The following TPCN2 variants were observed in gnomAD, a reference collection of about 807,000 sequenced individuals.
The protein encoded by TPCN2 is two pore segment channel 2.
TPCN2 carries 92 observed loss-of-function variants against 111.4 expected under a neutral mutation model. That is an observed-to-expected ratio of 0.83 (90% confidence interval 0.70 to 0.98). TPCN2 has a LOEUF of 0.98. TPCN2 is among the 50% of genes least tolerant of loss of function. TPCN2 has a pLI of 0.00. For synonymous variants in TPCN2, 405 were observed against 414.5 expected (o/e 0.98, Z 0.28); for missense variants, 995 against 980.1 (o/e 1.02, Z -0.20).
intron 7 of TPCN2, among the ~76,000 whole-genome samples, chr11:69,065,542 A>T (rs1565085123): frequency 6.6e-6 from 1 of 152,136 alleles, no homozygotes; most frequent in Non-Finnish European, 1.5e-5. Flanking sequence ...GCAGGACTTG[A>T]GAGGAGCGTG....
At chr11:69,077,241 CCCTCCTGCCACGTCCCT>C in intron 13 of TPCN2, among the ~76,000 whole-genome samples, 1 of 99,460 alleles carries the variant, frequency 1.0e-5, no homozygotes, top group Non-Finnish European at 2.3e-5. Flanking sequence ...CCTCCACCTG[CCCTCCTGCCACGTCCCT>C]CCACCTGCCC....
chr11:69,071,278 A>T (rs1048646915), intron 9 of TPCN2, 78 bp from the exon 10 acceptor site: 5 of 1,172,546 alleles, frequency 4.3e-6, no homozygotes, highest in East Asian at 2.4e-5. Flanking sequence ...GCGCTGTGCT[A>T]TCCTGTGCCG....
Position 69,048,981 on chromosome 11 carries a change from A to T in TPCN2, c.-17A>T, listed in dbSNP as rs879527609. 17 of 1,234,592 alleles carry T rather than the reference A, an allele frequency of 1.4e-5. No homozygotes were observed. Among genetic ancestry groups the T allele is most frequent in the Non-Finnish European group, 1.7e-5 (17 of 985,850 alleles). The allele number at this position is 1,234,592 out of a possible 1,614,324, so 76.5% of individuals were successfully genotyped here. A position where few individuals can be genotyped will look rare whatever the true frequency, so the allele number is the denominator to read the frequency against. The stretch of plus-strand genomic sequence containing the variant: ...GCTTGAGCTTCTGAGGGTCGGGTCC[A>T]GCGCGTGGGCTGCTGGATGGCGGAA... On this transcript the variant is annotated 5_prime_UTR_variant, in exon 1 of 25. Coordinates refer to ENST00000294309, the MANE Select transcript of TPCN2 (RefSeq NM_139075.4).
At chr11:69,075,671 G>A (rs1855720653) in intron 13 of TPCN2, among the ~76,000 whole-genome samples, 1 of 152,226 alleles carries the variant, frequency 6.6e-6, no homozygotes, top group Admixed American at 6.5e-5. Context: ...CGTCATGGGA[G>A]CTCCAGCCTT....
At chr11:69,064,051 C>A in intron 7 of TPCN2, 84 bp downstream of exon 7, 1 of 1,344,264 alleles carries the variant, frequency 7.4e-7, no homozygotes, top group South Asian at 1.2e-5. Flanking sequence ...GTCTGCTGCC[C>A]TGGCCTAACC....
rs182648076 is a variant in TPCN2 at position 69,055,965 on chromosome 11, C to G, written c.429+613C>G. ...CACAGCAGCTGCTGCATGTTTGACT[C>G]TGGGTTCTGCCTGTGACGCACGTCC... On this transcript the variant is annotated intron_variant, in intron 4 of 24. Transcript: ENST00000294309. Among the ~76,000 whole-genome samples, 18 of 152,346 alleles carry G rather than the reference C, an allele frequency of 1.2e-4. No homozygotes were observed. The East Asian group carries it at 3.5e-3, about 29-fold the overall frequency.
At chr11:69,064,026 G>A in intron 7 of TPCN2, 59 bp downstream of exon 7, 11 of 1,544,956 alleles carry the variant, frequency 7.1e-6, no homozygotes, top group Non-Finnish European at 9.8e-6. Flanking sequence ...GACTAACAGA[G>A]GGGGCTGGGC....
At chr11:69,078,439 G>A (rs1176400282) in intron 13 of TPCN2, 43 bp from the exon 14 acceptor site, 5 of 1,606,760 alleles carry the variant, frequency 3.1e-6, no homozygotes, top group African/African-American at 2.7e-5. Flanking sequence ...CAACAGCCAC[G>A]GCTGCTGGCC....
chr11:69,054,582 T>A lies in TPCN2; in HGVS notation c.175-139T>A. On this transcript the variant is annotated intron_variant, in intron 2 of 24. Coordinates refer to ENST00000294309, the MANE Select transcript of TPCN2 (RefSeq NM_139075.4). ...TGGTGTGGGCCTGATGGGTCAGGGC[T>A]GGCCATGTCCACACGCTGAAGCGTC... 3.9e-6 allele frequency: 3 copies of A among 770,038 alleles called. No individual in the cohort carries two copies. In the South Asian group the frequency reaches 4.9e-5, roughly 13 times the overall value. The allele number at this position is 770,038 out of a possible 1,614,324, so 47.7% of individuals were successfully genotyped here.
In TPCN2 at chr11:69,078,822, G is replaced by A. The variant is rs199625893; in HGVS notation, c.1410+29G>A. Reference sequence around the variant, plus strand: ...AGTTCTGAGCTGTCCACCTGTCAGGGCCAGGGTGAGGCTGGGCAGTGCTGG... The same window carrying A: ...AGTTCTGAGCTGTCCACCTGTCAGGACCAGGGTGAGGCTGGGCAGTGCTGG... On this transcript the variant is annotated intron_variant, in intron 15 of 24. Coordinates refer to ENST00000294309, the MANE Select transcript of TPCN2 (RefSeq NM_139075.4). 5.1e-4 allele frequency: 830 copies of A among 1,613,988 alleles called. 1 individual carries two copies. Among genetic ancestry groups the A allele is most frequent in the Non-Finnish European group, 6.5e-4 (769 of 1,180,044 alleles).
intron 18 of TPCN2, 136 bp from the exon 19 acceptor site, chr11:69,083,809 A>G (rs1856149177): frequency 1.4e-6 from 1 of 736,070 alleles, no homozygotes; most frequent in Non-Finnish European, 2.4e-6. Context: ...CTGTGGGTCC[A>G]GGTGTGTGTG....
Position 69,072,998 on chromosome 11 carries a change from A to G in TPCN2, c.1227A>G (p.Lys409=), listed in dbSNP as rs1425450489. 6.2e-7 allele frequency: 1 copy of G among 1,613,494 alleles called. No individual in the cohort carries two copies. Among genetic ancestry groups the G allele is most frequent in the Non-Finnish European group, 8.5e-7 (1 of 1,179,628 alleles). Reference sequence around the variant, plus strand: ...ACGAGCTTGACAGAAGTGTGGTTAAAGAGGTAACTGGGGCCACAGCCGCCC... The same window carrying G: ...ACGAGCTTGACAGAAGTGTGGTTAAGGAGGTAACTGGGGCCACAGCCGCCC... ...LFNELDRSVV[K]EHPPRPEYQS... is the part of the protein sequence containing the mutation. The change falls in exon 13 of 25, where the codon AAA becomes AAG. Residue 409 remains lysine (K), a synonymous_variant. Coordinates refer to ENST00000294309, the MANE Select transcript of TPCN2 (RefSeq NM_139075.4).
intron 2 of TPCN2, 151 bp from the exon 3 acceptor site, chr11:69,054,569 GA>G: frequency 2.8e-6 from 2 of 702,938 alleles, no homozygotes; most frequent in Non-Finnish European, 4.9e-6. Flanking sequence ...GTGTGGGCCT[GA>G]TGGGTCAGGG....
rs1163761592 is a variant in TPCN2 at position 69,072,989 on chromosome 11, T to G, written c.1218T>G (p.Ser406Arg). ...FQKLFNELDR[S>R]VVKEHPPRPE... ...AGCTCTTCAACGAGCTTGACAGAAG[T>G]GTGGTTAAAGAGGTAACTGGGGCCA... Residue 406 changes from serine to arginine, a missense_variant, in exon 13 of 25, where the codon AGT becomes AGG. Ser to Arg is a moderately radical substitution (Grantham distance 110). Transcript: ENST00000294309. 1 of 1,613,476 alleles carries G rather than the reference T, an allele frequency of 6.2e-7. No homozygotes were observed. Among genetic ancestry groups the G allele is most frequent in the African/African-American group, 1.3e-5 (1 of 74,880 alleles).
chr11:69,078,631 CG>C (rs766315718), intron 14 of TPCN2, 30 bp downstream of exon 14: 9 of 1,613,460 alleles, frequency 5.6e-6, no homozygotes, highest in African/African-American at 1.3e-5. Flanking sequence ...AGAGCTGGCA[CG>C]GAAGTGCCGG....
chr11:69,059,901 T>C (rs1227182773), intron 5 of TPCN2, among the ~76,000 whole-genome samples: 2 of 152,236 alleles, frequency 1.3e-5, no homozygotes, highest in Non-Finnish European at 2.9e-5. Context: ...GCACCAGGCA[T>C]AGCCTCCGTG....
intron 13 of TPCN2, among the ~76,000 whole-genome samples, chr11:69,075,122 G>A (rs181524798): frequency 1.3e-5 from 2 of 152,150 alleles, no homozygotes; most frequent in Admixed American, 6.6e-5. Context: ...TGGAGGTCCC[G>A]GCGATGCTCT....
chr11:69,049,751 C>T (rs1297070293), intron 1 of TPCN2, among the ~76,000 whole-genome samples: 2 of 152,204 alleles, frequency 1.3e-5, no homozygotes, highest in South Asian at 2.1e-4. Flanking sequence ...GCACTCCCTC[C>T]TGCCCTTCCC....
intron 7 of TPCN2, 100 bp from the exon 8 acceptor site, chr11:69,067,403 C>T (rs1467315048): frequency 2.1e-5 from 22 of 1,057,758 alleles, no homozygotes; most frequent in South Asian, 4.1e-5. Flanking sequence ...GCAGGCTGGG[C>T]GGCGGGTGGA....
Sources: allele counts gnomAD v4.1 joint callset (sites outside exome capture counted in the v4.1 genomes callset), GRCh38; gene constraint gnomAD v4.1.1; transcripts MANE v1.5; gene names NCBI Gene and HGNC (gene_info 2026-07-23, HGNC 2026-07-21).